RNF24: variants seen among roughly 807,000 people sequenced by gnomAD.
The protein encoded by RNF24 is ring finger protein 24.
A neutral mutation model predicts 20.0 loss-of-function variants in RNF24; 14 were observed. That is an observed-to-expected ratio of 0.70 (90% CI 0.46 to 1.10). The LOEUF is 1.10. Ranked by LOEUF, RNF24 falls within the 50% of genes least tolerant of loss-of-function variation. The pLI is 0.00. For missense variants in RNF24, 124 were observed against 177.6 expected, an observed-to-expected ratio of 0.70 and a Z score of 1.71; for synonymous variants, 45 against 61.1, an observed-to-expected ratio of 0.74 and a Z score of 1.23.
chr20:3,996,389 A>G (rs1352684623), intron 1 of RNF24, among the ~76,000 whole-genome samples: 1 of 152,196 alleles, frequency 6.6e-6, no homozygotes, highest in Non-Finnish European at 1.5e-5. Flanking sequence ...GATCTTGTAT[A>G]TTAGTATATT....
intron 2 of RNF24, among the ~76,000 whole-genome samples, chr20:3,951,446 TA>T (rs1417077599): frequency 6.6e-6 from 1 of 152,206 alleles, no homozygotes; most frequent in Admixed American, 6.5e-5. Context: ...ACATATACTC[TA>T]TTATTTTCTC....
chr20:4,001,500 G>T (rs988823730), intron 1 of RNF24, among the ~76,000 whole-genome samples: 4 of 152,142 alleles, frequency 2.6e-5, no homozygotes, highest in Non-Finnish European at 5.9e-5. Context: ...ACATAAAATA[G>T]TTATTGATAT....
At chr20:3,986,849 C>T (rs551968587) in intron 1 of RNF24, among the ~76,000 whole-genome samples, 2 of 152,140 alleles carry the variant, frequency 1.3e-5, no homozygotes, top group East Asian at 3.9e-4. Flanking sequence ...TGGGGTTTCG[C>T]CATGTTAGCC....
At chr20:3,943,905 G>A (rs1178680528) in intron 4 of RNF24, among the ~76,000 whole-genome samples, 1 of 152,026 alleles carries the variant, frequency 6.6e-6, no homozygotes, top group Non-Finnish European at 1.5e-5. Context: ...TTAACTTCTA[G>A]GAAAAGTAAA....
intron 1 of RNF24, among the ~76,000 whole-genome samples, chr20:3,995,826 C>CT (rs887689992): frequency 1.8e-4 from 26 of 147,062 alleles, no homozygotes; most frequent in South Asian, 1.5e-3. Flanking sequence ...TTTGGTTCTG[C>CT]TTTTTTTTTT....
intron 1 of RNF24, among the ~76,000 whole-genome samples, chr20:3,969,691 C>T (rs2091294099): frequency 6.6e-6 from 1 of 152,004 alleles, no homozygotes; most frequent in South Asian, 2.1e-4. Context: ...TAGATTTTCA[C>T]TCTTGCCAGG....
Position 3,931,366 on chromosome 20 carries a change from T to A in RNF24, c.*2697A>T, listed in dbSNP as rs900486946. 6.6e-6 allele frequency: 1 copy of A among 152,090 alleles called. No homozygotes were observed. The highest frequency in any genetic ancestry group is 1.5e-5 in the Non-Finnish European group (1 of 68,010). The allele number at this position is 152,090 out of a possible 1,614,324, so 9.4% of individuals were successfully genotyped here. ...GGGTTCGAGTCTGAGCCAAGAGAGT[T>A]ATAAAGGGGTCCCTAACTCATTCCT... On this transcript the variant is annotated 3_prime_UTR_variant, in exon 6 of 6. Transcript: ENST00000358395.
At chr20:3,941,879 G>T (rs987435593) in intron 4 of RNF24, among the ~76,000 whole-genome samples, 4 of 152,056 alleles carry the variant, frequency 2.6e-5, no homozygotes, top group Admixed American at 1.3e-4. Context: ...TTCAAGACCA[G>T]CCTGGCTAAC....
intron 1 of RNF24, among the ~76,000 whole-genome samples, chr20:4,011,991 C>G (rs977159100): frequency 6.6e-6 from 1 of 152,212 alleles, no homozygotes; most frequent in Non-Finnish European, 1.5e-5. Context: ...AGTGGTTTAA[C>G]TATATAATAT....
intron 1 of RNF24, among the ~76,000 whole-genome samples, chr20:4,014,155 T>G (rs1324992551): frequency 6.6e-6 from 1 of 152,192 alleles, no homozygotes; most frequent in African/African-American, 2.4e-5. Context: ...AGAGGAGCCA[T>G]TGAGCTGGGC....
chr20:3,998,850 C>T (rs540268140), intron 1 of RNF24, among the ~76,000 whole-genome samples: 4 of 151,308 alleles, frequency 2.6e-5, no homozygotes, highest in South Asian at 2.1e-4. Context: ...GGGGTCAAGG[C>T]GGGTGGATCA....
chr20:4,003,472 G>C (rs950366730), intron 1 of RNF24, among the ~76,000 whole-genome samples: 1 of 151,984 alleles, frequency 6.6e-6, no homozygotes, highest in Non-Finnish European at 1.5e-5. Context: ...TAGTTTTCCA[G>C]AAACATCTTC....
At position 3,934,100 on chromosome 20, in the gene RNF24, G is replaced by A. The variant is rs544020371; in HGVS notation, c.410C>T (p.Pro137Leu). 8 of 1,536,448 alleles carry A rather than the reference G, an allele frequency of 5.2e-6. No homozygotes were observed. In the East Asian group the frequency reaches 2.0e-4, roughly 38 times the overall value. Residue 137 changes from proline (P) to leucine (L), a missense_variant, in exon 6 of 6, where the codon CCT becomes CTT. Coordinates refer to ENST00000358395, the MANE Select transcript of RNF24 (RefSeq NM_001134337.3). This position sits in a 1 kb window ranked among gnomAD's most constrained non-coding sequence, Gnocchi z 4.0. The part of the protein sequence containing the change: ...QLHSKQDRGP[P>L]QGPLPGAENI... ...CTCTGCCCCAGGAAGGGGCCCCTGA[G>A]GGGGTCCACGGTCCTGCTTACTGTG...
At chr20:3,960,929 G>T (rs2091194973) in intron 2 of RNF24, among the ~76,000 whole-genome samples, 1 of 151,930 alleles carries the variant, frequency 6.6e-6, no homozygotes, top group African/African-American at 2.4e-5. Context: ...GATTAGCTGG[G>T]ACTACAGGCG....
chr20:3,935,838 T>C (rs1487580037), intron 4 of RNF24, among the ~76,000 whole-genome samples: 1 of 152,218 alleles, frequency 6.6e-6, no homozygotes, highest in Non-Finnish European at 1.5e-5. Context: ...ATAATGTTGC[T>C]TGAGGCCATT....
At chr20:3,949,198 G>C (rs1362661413) in intron 2 of RNF24, among the ~76,000 whole-genome samples, 1 of 152,150 alleles carries the variant, frequency 6.6e-6, no homozygotes, top group East Asian at 1.9e-4. Context: ...TGGTCAACAG[G>C]GAGAAACCCC....
intron 2 of RNF24, among the ~76,000 whole-genome samples, chr20:3,958,430 C>G (rs553376232): frequency 6.6e-6 from 1 of 152,294 alleles, no homozygotes; most frequent in South Asian, 2.1e-4. Context: ...TATCCACTTT[C>G]ACCTACTAGC....
intron 2 of RNF24, among the ~76,000 whole-genome samples, chr20:3,960,293 G>C (rs976453258): frequency 2.0e-5 from 3 of 152,190 alleles, no homozygotes; most frequent in Admixed American, 6.5e-5. Flanking sequence ...GCAAAGACTT[G>C]TTAAATCCCA....
intron 1 of RNF24, among the ~76,000 whole-genome samples, chr20:3,973,485 C>A: frequency 1.1e-5 from 1 of 94,632 alleles, no homozygotes. Flanking sequence ...ACTGACAAAT[C>A]TCTAGGAAGA....
Sources: gnomAD v4.1 joint callset for allele counts (sites outside exome capture counted in the v4.1 genomes callset) on GRCh38, gnomAD v4.1.1 for gene constraint, Gnocchi (gnomAD v3.1) non-coding constraint, MANE v1.5 for transcripts, NCBI Gene and HGNC (gene_info 2026-07-23, HGNC 2026-07-21) for gene names.